CBR4: variants seen among roughly 807,000 people sequenced by gnomAD.
CBR4 encodes the protein 3-oxoacyl-[acyl-carrier-protein] reductase.
A neutral mutation model predicts 21.0 loss-of-function variants in CBR4; 22 were observed. That is an observed-to-expected ratio of 1.05 (90% CI 0.75 to 1.50). CBR4 has a LOEUF of 1.50. Ranked by LOEUF, CBR4 falls within the 40% of genes most tolerant of loss-of-function variation. The probability of loss-of-function intolerance (pLI) is 0.00; values close to 1 mark genes in which losing one functional copy is unlikely to be tolerated. For missense variants in CBR4, 302 were observed against 286.3 expected (o/e 1.05, Z -0.40); for synonymous variants, 100 against 104.4 (o/e 0.96, Z 0.26).
At chr4:169,008,128 T>C (rs1731077532) in intron 1 of CBR4, among the ~76,000 whole-genome samples, 1 of 152,232 alleles carries the variant, frequency 6.6e-6, no homozygotes. Context: ...TTGAAATTTA[T>C]GTCTAATTCT....
chr4:168,896,822 GTATT>G (rs528701229), intron 2 of CBR4, among the ~76,000 whole-genome samples: 10 of 151,640 alleles, frequency 6.6e-5, no homozygotes, highest in South Asian at 2.1e-4. Context: ...TTTACTTTAT[GTATT>G]TATTTATTTA....
At chr4:168,942,091 G>T (rs540270900) in intron 2 of CBR4, among the ~76,000 whole-genome samples, 2 of 152,284 alleles carry the variant, frequency 1.3e-5, no homozygotes, top group Admixed American at 1.3e-4. Flanking sequence ...CAGGGACATG[G>T]ATGAAGCTGG....
intron 2 of CBR4, among the ~76,000 whole-genome samples, chr4:168,911,311 C>A (rs528819966): frequency 7.2e-5 from 11 of 152,302 alleles, no homozygotes; most frequent in Admixed American, 6.5e-4. Context: ...ATTTAACTTA[C>A]ATTATATCTT....
chr4:169,002,540 G>C (rs1371453126), intron 3 of CBR4, among the ~76,000 whole-genome samples: 1 of 152,154 alleles, frequency 6.6e-6, no homozygotes, highest in Non-Finnish European at 1.5e-5. Flanking sequence ...ATTTATAAAG[G>C]CTTCCAGCAG....
At chr4:168,992,589 G>A (rs1312354550) in intron 4 of CBR4, among the ~76,000 whole-genome samples, 3 of 152,122 alleles carry the variant, frequency 2.0e-5, no homozygotes, top group Admixed American at 1.3e-4. Flanking sequence ...TGTATAAAAT[G>A]TAGGTTACAA....
intron 2 of CBR4, among the ~76,000 whole-genome samples, chr4:168,937,170 G>C (rs1449241925): frequency 6.6e-6 from 1 of 152,142 alleles, no homozygotes; most frequent in African/African-American, 2.4e-5. Context: ...CATTCTTAAA[G>C]AGAAGACTTT....
At chr4:168,994,114 C>G (rs1765062011) in intron 4 of CBR4, among the ~76,000 whole-genome samples, 1 of 152,142 alleles carries the variant, frequency 6.6e-6, no homozygotes, top group Non-Finnish European at 1.5e-5. Context: ...GACATTCACC[C>G]ACATATTTAC....
At chr4:168,928,937 A>G (rs775849589) in intron 2 of CBR4, among the ~76,000 whole-genome samples, 3 of 152,172 alleles carry the variant, frequency 2.0e-5, no homozygotes, top group East Asian at 1.9e-4. Context: ...TACATCTGCA[A>G]ATCCCTTCAA....
rs535380079 is a variant in CBR4 at position 168,925,474 on chromosome 4, C to G, written n.170-30709G>C. The stretch of plus-strand genomic sequence containing the variant: ...TTTAACATTTCTTCCTATATTCTAT[C>G]GCAGTGTCCTAATGCACTCTAAACG... On this transcript the variant is annotated intron_variant and non_coding_transcript_variant, in intron 2 of 3. Transcript: ENST00000509108. 6 of 599,386 alleles carry G rather than the reference C, an allele frequency of 1.0e-5. No homozygotes were observed. The Admixed American group carries it at 1.7e-4, about 17-fold the overall frequency. The allele number at this position is 599,386 out of a possible 1,614,324, so 37.1% of individuals were successfully genotyped here.
chr4:169,007,050 A>G (rs1466531045), intron 2 of CBR4, among the ~76,000 whole-genome samples, 159 bp from the exon 3 acceptor site: 1 of 152,196 alleles, frequency 6.6e-6, no homozygotes, highest in Non-Finnish European at 1.5e-5. Context: ...TGGCTTGAGA[A>G]ACATTAAAAT....
At chr4:168,965,857 T>C (rs1050411975) in intron 2 of CBR4, among the ~76,000 whole-genome samples, 4 of 152,192 alleles carry the variant, frequency 2.6e-5, no homozygotes, top group African/African-American at 9.7e-5. Flanking sequence ...AATTCATGAC[T>C]GGAACACCAA....
chr4:168,954,724 C>A (rs1763635666), intron 2 of CBR4, among the ~76,000 whole-genome samples: 1 of 152,076 alleles, frequency 6.6e-6, no homozygotes, highest in African/African-American at 2.4e-5. Context: ...AAGTCATAAA[C>A]CATGAAAAGG....
Position 169,007,738 on chromosome 4 carries a change from C to A in CBR4, c.161G>T (p.Ser54Ile). 1 of 1,583,674 alleles carries A rather than the reference C, an allele frequency of 6.3e-7. No individual in the cohort carries two copies. The highest frequency in any genetic ancestry group is 1.8e-5 in the Admixed American group (1 of 54,096). ...GDLGGDHLAF[S>I]CDVAKEHDVQ... is the part of the protein sequence containing the mutation. ...ATCATGTTCTTTAGCAACATCACAGCTAAATGCCAAATGATCTCCTACACA... is the reference window on the plus strand; with the variant it reads ...ATCATGTTCTTTAGCAACATCACAGATAAATGCCAAATGATCTCCTACACA... Residue 54 changes from serine (S) to isoleucine (I), a missense_variant, in exon 2 of 5, where the codon AGC becomes ATC. Physicochemically the swap from Ser to Ile is moderately radical, Grantham distance 142. Transcript: ENST00000306193.
At chr4:168,950,019 A>G in intron 2 of CBR4, among the ~76,000 whole-genome samples, 1 of 151,990 alleles carries the variant, frequency 6.6e-6, no homozygotes, top group Admixed American at 6.6e-5. Context: ...TTCTTGGTTA[A>G]TCTTCCTAAT....
At chr4:168,901,776 T>C (rs919514059) in intron 2 of CBR4, among the ~76,000 whole-genome samples, 1 of 152,156 alleles carries the variant, frequency 6.6e-6, no homozygotes, top group South Asian at 2.1e-4. Context: ...GAGATTCACT[T>C]GAACCCGGGA....
intron 2 of CBR4, among the ~76,000 whole-genome samples, chr4:168,916,531 G>A (rs2151428632): frequency 6.6e-6 from 1 of 152,136 alleles, no homozygotes; most frequent in East Asian, 1.9e-4. Context: ...AACCCTACAT[G>A]ACATTACTCT....
At chr4:168,956,222 T>A (rs11132668) in intron 2 of CBR4, among the ~76,000 whole-genome samples, 4 of 152,022 alleles carry the variant, frequency 2.6e-5, no homozygotes, top group Non-Finnish European at 5.9e-5. Context: ...TGGAAAAGAC[T>A]GGAATACGAA....
At chr4:168,993,953 C>G (rs553891162) in intron 4 of CBR4, among the ~76,000 whole-genome samples, 1 of 152,262 alleles carries the variant, frequency 6.6e-6, no homozygotes, top group African/African-American at 2.4e-5. Flanking sequence ...ACTATTAAAG[C>G]TATCACCCGA....
chr4:168,941,163 A>G (rs971199877), intron 2 of CBR4, among the ~76,000 whole-genome samples: 1 of 151,992 alleles, frequency 6.6e-6, no homozygotes, highest in African/African-American at 2.4e-5. Context: ...AACATCACAC[A>G]CCACAGCCTG....
Sources: gnomAD v4.1 joint callset for allele counts (sites outside exome capture counted in the v4.1 genomes callset) on GRCh38, gnomAD v4.1.1 for gene constraint, MANE v1.5 for transcripts, NCBI Gene and HGNC (gene_info 2026-07-23, HGNC 2026-07-21) for gene names.